The following EFCAB6 variants were observed in gnomAD, a reference collection of about 807,000 sequenced individuals.
EFCAB6 encodes the protein EF-hand calcium binding domain 6, also known as EF-hand calcium-binding domain-containing protein 6.
Under a neutral mutation model 169.8 loss-of-function variants are expected in EFCAB6, and 156 were observed. The ratio of observed to expected loss-of-function variants is 0.92; its 90% CI spans 0.81 to 1.05. EFCAB6 has a LOEUF of 1.05. Ranked by LOEUF, EFCAB6 falls within the 50% of genes least tolerant of loss-of-function variation. EFCAB6 has a pLI of 0.00. For synonymous variants in EFCAB6, 698 were observed against 676.4 expected (o/e 1.03, Z -0.50); for missense variants, 1,800 against 1,829.1 (o/e 0.98, Z 0.29).
chr22:43,736,979 C>G (rs561159881), intron 6 of EFCAB6, among the ~76,000 whole-genome samples: 2 of 152,070 alleles, frequency 1.3e-5, no homozygotes, highest in African/African-American at 2.4e-5. Flanking sequence ...TCCCTCCACA[C>G]TCCTCCATGC....
At position 43,660,296 on chromosome 22, in the gene EFCAB6, C is replaced by T. The variant is rs117663460; in HGVS notation, c.1983+6808G>A. Among the ~76,000 whole-genome samples the T allele has an allele frequency of 7.3e-4, 111 of 152,254 alleles. 2 individuals are homozygous for T. In the East Asian group the frequency reaches 0.02, roughly 27 times the overall value. ...GCCCAAAGCAACAAAATCATTTCCC[C>T]TGGTGTCAGAAACTGCACCTTCCAC... On this transcript the variant is annotated intron_variant, in intron 17 of 31. Coordinates refer to ENST00000262726, the MANE Select transcript of EFCAB6 (RefSeq NM_022785.4).
chr22:43,749,578 G>A (rs1285072658), intron 6 of EFCAB6, among the ~76,000 whole-genome samples: 1 of 151,946 alleles, frequency 6.6e-6, no homozygotes, highest in Non-Finnish European at 1.5e-5. Flanking sequence ...AATAGGGTTC[G>A]TGCTCCTATG....
At chr22:43,741,339 T>C (rs5764261) in intron 6 of EFCAB6, among the ~76,000 whole-genome samples, 80,673 of 151,970 alleles carry the variant, frequency 0.53, 22,367 homozygotes, top group African/African-American at 0.68. Context: ...TCTGCCCCTT[T>C]TCACTCTGCC....
At chr22:43,762,085 A>G (rs973178342) in intron 5 of EFCAB6, among the ~76,000 whole-genome samples, 2 of 152,330 alleles carry the variant, frequency 1.3e-5, no homozygotes, top group African/African-American at 2.4e-5. Context: ...ATTACTCAAA[A>G]AAGTTCCTTG....
intron 15 of EFCAB6, among the ~76,000 whole-genome samples, chr22:43,669,598 T>C (rs1418155664): frequency 6.6e-6 from 1 of 152,134 alleles, no homozygotes; most frequent in East Asian, 1.9e-4. Flanking sequence ...CTAAAGGGCA[T>C]ATGGAAGATT....
chr22:43,545,651 G>A (rs907480191), intron 27 of EFCAB6, among the ~76,000 whole-genome samples: 5 of 152,196 alleles, frequency 3.3e-5, no homozygotes, highest in African/African-American at 1.2e-4. Flanking sequence ...GTTACCTGAT[G>A]GGCTGTATCT....
At chr22:43,626,763 T>TGAGG in intron 19 of EFCAB6, 84 bp from the exon 20 acceptor site, 1 of 1,312,212 alleles carries the variant, frequency 7.6e-7, no homozygotes, top group Non-Finnish European at 1.1e-6. Flanking sequence ...TAGAGCCTCA[T>TGAGG]CTCCACGCGA....
chr22:43,671,935 A>C (rs1175117855), intron 15 of EFCAB6, 38 bp downstream of exon 15: 2 of 1,607,104 alleles, frequency 1.2e-6, no homozygotes, highest in Non-Finnish European at 1.7e-6. Flanking sequence ...GCCTGATGAA[A>C]AACACGACAT....
In EFCAB6 at chr22:43,795,898, C is replaced by T. The variant is rs1363487769; in HGVS notation, c.-8+13097G>A. On this transcript the variant is annotated intron_variant, in intron 2 of 31. Transcript: ENST00000262726. This position sits in a 1 kb window ranked among gnomAD's most constrained non-coding sequence, Gnocchi z 4.2. ...AGTCACCACACACAATACACACTCA[C>T]CACACATACACCACACACACACACA... Among the ~76,000 whole-genome samples, 1 of 150,834 alleles carries T rather than the reference C, an allele frequency of 6.6e-6. No homozygotes were observed. The highest frequency in any genetic ancestry group is 1.5e-5 in the Non-Finnish European group (1 of 67,714).
chr22:43,729,451 A>C (rs1488250884), intron 8 of EFCAB6, among the ~76,000 whole-genome samples: 10 of 152,134 alleles, frequency 6.6e-5, no homozygotes, highest in Admixed American at 6.5e-4. Flanking sequence ...AAACCATATC[A>C]CCCTAGAACA....
chr22:43,792,686 A>G (rs1364752174), intron 2 of EFCAB6, among the ~76,000 whole-genome samples: 1 of 152,190 alleles, frequency 6.6e-6, no homozygotes, highest in Non-Finnish European at 1.5e-5. Flanking sequence ...TAATGTTCAG[A>G]GCAGGCCAGT....
At chr22:43,557,004 T>C (rs1423804005) in intron 26 of EFCAB6, among the ~76,000 whole-genome samples, 1 of 152,186 alleles carries the variant, frequency 6.6e-6, no homozygotes, top group East Asian at 1.9e-4. Flanking sequence ...CTCCTGGACA[T>C]AGAGCCATAC....
chr22:43,780,700 C>A (rs1158049809), intron 3 of EFCAB6, among the ~76,000 whole-genome samples: 2 of 152,066 alleles, frequency 1.3e-5, no homozygotes. Context: ...TATCCACTCT[C>A]CTCTTTCTCC....
At position 43,809,610 on chromosome 22, in the gene EFCAB6, G is replaced by C. The variant is rs9626032; in HGVS notation, c.-144-479C>G. Among the ~76,000 whole-genome samples, 443 of 152,084 alleles carry C rather than the reference G, an allele frequency of 2.9e-3. 2 individuals are homozygous for C. Among genetic ancestry groups the C allele is most frequent in the Middle Eastern group, 0.02 (6 of 294 alleles). On this transcript the variant is annotated intron_variant, in intron 1 of 31. Coordinates refer to ENST00000262726, the MANE Select transcript of EFCAB6 (RefSeq NM_022785.4). ...TTGTTTTGTTTTTTTGTTTGGTTTTGGTTTTGTCTGTTTTGAGATGGAGTT... is the reference window on the plus strand; with the variant it reads ...TTGTTTTGTTTTTTTGTTTGGTTTTCGTTTTGTCTGTTTTGAGATGGAGTT...
intron 20 of EFCAB6, among the ~76,000 whole-genome samples, chr22:43,616,476 ACCATGGTGAAACC>A (rs1003514546): frequency 4.6e-5 from 7 of 152,208 alleles, no homozygotes; most frequent in Non-Finnish European, 7.3e-5. Context: ...CAGGCTGGCC[ACCATGGTGAAACC>A]CCGTCTCTAC....
At chr22:43,542,400 T>G (rs1289695876) in intron 27 of EFCAB6, among the ~76,000 whole-genome samples, 3 of 152,120 alleles carry the variant, frequency 2.0e-5, no homozygotes, top group Admixed American at 2.0e-4. Context: ...GCCAACATGG[T>G]GAAACCCCAT....
In EFCAB6 at chr22:43,531,038, G is replaced by A. The variant is rs190077873; in HGVS notation, c.4234-74C>T. ...GTTGGGGTGGGCTCCTCCTCGCCTC[G>A]CCCCCGCCTCGCCCAGCCCTGCTCC... is the stretch of plus-strand genomic sequence containing the variant. On this transcript the variant is annotated intron_variant, in intron 30 of 31. Transcript: ENST00000262726. 6.3e-5 allele frequency: 100 copies of A among 1,579,120 alleles called. No homozygotes were observed. In the African/African-American group the frequency reaches 1.2e-3, roughly 18 times the overall value.
At chr22:43,649,869 G>T (rs1467176305) in intron 17 of EFCAB6, among the ~76,000 whole-genome samples, 1 of 152,202 alleles carries the variant, frequency 6.6e-6, no homozygotes, top group Non-Finnish European at 1.5e-5. Flanking sequence ...CAGGACTGGG[G>T]CAGACGGCCC....
chr22:43,661,208 C>T (rs1453416492), intron 17 of EFCAB6, among the ~76,000 whole-genome samples: 1 of 151,932 alleles, frequency 6.6e-6, no homozygotes, highest in Admixed American at 6.6e-5. Flanking sequence ...GACCTCATCT[C>T]TACAAAAAAA....
Sources: allele counts gnomAD v4.1 joint callset (sites outside exome capture counted in the v4.1 genomes callset), GRCh38; gene constraint gnomAD v4.1.1; non-coding constraint Gnocchi (gnomAD v3.1); transcripts MANE v1.5; gene names NCBI Gene and HGNC (gene_info 2026-07-23, HGNC 2026-07-21).